The following NKAIN2 variants were observed in gnomAD, a reference collection of about 807,000 sequenced individuals.
NKAIN2 encodes sodium/potassium-transporting ATPase subunit beta-1-interacting protein 2.
In NKAIN2, 14 loss-of-function variants were observed where a neutral mutation model predicts 32.6. That is an observed-to-expected ratio of 0.43 (90% CI 0.28 to 0.67). NKAIN2 has a LOEUF of 0.67. Ranked by LOEUF, NKAIN2 falls within the 30% of genes least tolerant of loss-of-function variation. The pLI is 0.17. For missense variants in NKAIN2, 198 were observed against 258.3 expected, an observed-to-expected ratio of 0.77 and a Z score of 1.60; for synonymous variants, 80 against 87.2, an observed-to-expected ratio of 0.92 and a Z score of 0.46.
At chr6:123,865,087 A>AT (rs985842904) in intron 1 of NKAIN2, among the ~76,000 whole-genome samples, 2 of 152,134 alleles carry the variant, frequency 1.3e-5, no homozygotes, top group African/African-American at 4.8e-5. Flanking sequence ...TAGTAAAAAA[A>AT]GAAGAAAGTA....
At chr6:124,112,202 T>C (rs1785417349) in intron 1 of NKAIN2, among the ~76,000 whole-genome samples, 1 of 152,188 alleles carries the variant, frequency 6.6e-6, no homozygotes, top group Non-Finnish European at 1.5e-5. Context: ...CCTTTTCATT[T>C]TGAATTGAAG....
At chr6:124,304,982 A>C in intron 2 of NKAIN2, among the ~76,000 whole-genome samples, 1 of 152,176 alleles carries the variant, frequency 6.6e-6, no homozygotes, top group Non-Finnish European at 1.5e-5. Context: ...AATGTCAGGA[A>C]TTGTAGAAAG....
At chr6:124,439,361 T>G (rs1030644180) in intron 3 of NKAIN2, among the ~76,000 whole-genome samples, 5 of 151,266 alleles carry the variant, frequency 3.3e-5, no homozygotes, top group East Asian at 1.9e-4. Flanking sequence ...ACTTGTTGTT[T>G]TTTTTTTTTA....
chr6:124,068,737 A>G (rs1057207126), intron 1 of NKAIN2, among the ~76,000 whole-genome samples: 2 of 151,252 alleles, frequency 1.3e-5, no homozygotes, highest in Non-Finnish European at 2.9e-5. Context: ...TTTATTTTGA[A>G]GGATAATTTA....
intron 1 of NKAIN2, among the ~76,000 whole-genome samples, chr6:123,898,554 T>G (rs923480560): frequency 1.4e-5 from 2 of 142,660 alleles, no homozygotes; most frequent in Non-Finnish European, 3.0e-5. Flanking sequence ...CAGGGGTGTT[T>G]TTTTTTTTTT....
At chr6:124,285,023 T>A (rs554817624) in intron 2 of NKAIN2, among the ~76,000 whole-genome samples, 1 of 152,300 alleles carries the variant, frequency 6.6e-6, no homozygotes, top group East Asian at 1.9e-4. Context: ...ATAAGAGTTA[T>A]GATGCCAAGG....
At chr6:124,544,544 C>T (rs1321762951) in intron 3 of NKAIN2, among the ~76,000 whole-genome samples, 2 of 151,870 alleles carry the variant, frequency 1.3e-5, no homozygotes, top group African/African-American at 4.8e-5. Flanking sequence ...TGTGTTTTAC[C>T]ACTTAGAGTG....
At chr6:123,860,056 G>A (rs1775721419) in intron 1 of NKAIN2, among the ~76,000 whole-genome samples, 1 of 152,108 alleles carries the variant, frequency 6.6e-6, no homozygotes, top group Non-Finnish European at 1.5e-5. Context: ...TAGCACTAAG[G>A]ATAAATCAGA....
At chr6:124,010,872 T>G (rs1780292546) in intron 1 of NKAIN2, among the ~76,000 whole-genome samples, 1 of 152,152 alleles carries the variant, frequency 6.6e-6, no homozygotes, top group Admixed American at 6.6e-5. Flanking sequence ...GACTGGGGTT[T>G]TGTTTTCTGT....
chr6:123,909,804 C>T (rs530352202), intron 1 of NKAIN2, among the ~76,000 whole-genome samples: 6 of 152,174 alleles, frequency 3.9e-5, no homozygotes, highest in East Asian at 3.9e-4. Context: ...TGCTGGACCA[C>T]GGTGGGTTTC....
At chr6:124,174,452 A>G (rs191696405) in intron 1 of NKAIN2, among the ~76,000 whole-genome samples, 3 of 152,330 alleles carry the variant, frequency 2.0e-5, no homozygotes, top group Admixed American at 2.0e-4. Context: ...GGGCAGCCTA[A>G]GTACAATGAA....
At chr6:124,101,674 G>C (rs1784898490) in intron 1 of NKAIN2, among the ~76,000 whole-genome samples, 1 of 152,040 alleles carries the variant, frequency 6.6e-6, no homozygotes, top group Non-Finnish European at 1.5e-5. Flanking sequence ...GTATGTATGA[G>C]ATGAGAGCGC....
chr6:124,037,134 A>T (rs937788614), intron 1 of NKAIN2, among the ~76,000 whole-genome samples: 1 of 152,120 alleles, frequency 6.6e-6, no homozygotes, highest in Non-Finnish European at 1.5e-5. Context: ...GCGAGTGCTC[A>T]CAATGTGGTA....
At chr6:123,858,426 T>C (rs1301490941) in intron 1 of NKAIN2, among the ~76,000 whole-genome samples, 1 of 152,192 alleles carries the variant, frequency 6.6e-6, no homozygotes, top group East Asian at 1.9e-4. Flanking sequence ...TCTAACATTG[T>C]CTTTTTAATT....
At chr6:124,534,766 A>C (rs1019207310) in intron 3 of NKAIN2, among the ~76,000 whole-genome samples, 4 of 152,028 alleles carry the variant, frequency 2.6e-5, no homozygotes. Context: ...CTCTTTTCCA[A>C]CCCACATTAA....
At chr6:124,447,509 C>T (rs531892985) in intron 3 of NKAIN2, among the ~76,000 whole-genome samples, 21 of 152,176 alleles carry the variant, frequency 1.4e-4, no homozygotes, top group South Asian at 1.2e-3. Context: ...AATAAAATTT[C>T]GGTCACAACA....
chr6:123,971,406 A>G (rs895096702), intron 1 of NKAIN2, among the ~76,000 whole-genome samples: 14 of 152,004 alleles, frequency 9.2e-5, no homozygotes, highest in Non-Finnish European at 1.9e-4. Flanking sequence ...ATGTGCTTCA[A>G]GGGGTTTTGT....
At chr6:124,451,807 A>T (rs963278625) in intron 3 of NKAIN2, among the ~76,000 whole-genome samples, 1 of 152,150 alleles carries the variant, frequency 6.6e-6, no homozygotes, top group African/African-American at 2.4e-5. Context: ...CAATGGGAAG[A>T]GTGCTTCAAG....
At position 124,356,248 on chromosome 6, in the gene NKAIN2, A is replaced by G. The variant is rs1583112573; in HGVS notation, c.273+901A>G. On this transcript the variant is annotated intron_variant, in intron 3 of 6. Transcript: ENST00000368417. The stretch of plus-strand genomic sequence containing the variant: ...TTTTTTTAAAGAAAATTCCTCAGGA[A>G]CTACCTTTGCCTTGTCAAGCTATAT... Among the ~76,000 whole-genome samples, 3 of 152,262 alleles carry G rather than the reference A, an allele frequency of 2.0e-5. No individual in the cohort carries two copies. In the Middle Eastern group the frequency reaches 0.01, roughly 521 times the overall value.
Sources: gnomAD v4.1 joint callset for allele counts (sites outside exome capture counted in the v4.1 genomes callset) on GRCh38, gnomAD v4.1.1 for gene constraint, MANE v1.5 for transcripts, NCBI Gene and HGNC (gene_info 2026-07-23, HGNC 2026-07-21) for gene names.